Variants in ARSL observed in about 807,000 individuals in gnomAD.
The protein encoded by ARSL is arylsulfatase E (chondrodysplasia punctata 1).
A neutral mutation model predicts 31.1 loss-of-function variants in ARSL; 4 were observed. That is an observed-to-expected ratio of 0.13 (90% confidence interval 0.06 to 0.29). The LOEUF (loss-of-function observed/expected upper bound fraction) is 0.29. Among genes scored for constraint, ARSL ranks in the 10% least tolerant of loss-of-function variants. The probability of loss-of-function intolerance (pLI) is 1.00; values close to 1 mark genes in which losing one functional copy is unlikely to be tolerated. For missense variants in ARSL, 312 were observed against 497.8 expected, an observed-to-expected ratio of 0.63 and a Z score of 3.55; for synonymous variants, 198 against 209.9, an observed-to-expected ratio of 0.94 and a Z score of 0.49.
intron 10 of ARSL, among the ~76,000 whole-genome samples, chrX:2,935,930 G>A (rs902573471): frequency 9.0e-6 from 1 of 111,225 alleles, no homozygotes; most frequent in African/African-American, 3.3e-5. Context: ...AAGGCTGGGC[G>A]TGGTGGCTCA....
intron 8 of ARSL, among the ~76,000 whole-genome samples, chrX:2,938,720 T>A (rs1251566312): frequency 9.2e-6 from 1 of 109,079 alleles, no homozygotes; most frequent in Admixed American, 9.9e-5. Flanking sequence ...CCCCAAAACA[T>A]GTTCATGTCA....
intron 3 of ARSL, among the ~76,000 whole-genome samples, chrX:2,957,699 A>G: frequency 1.1e-5 from 1 of 92,414 alleles, no homozygotes; most frequent in South Asian, 5.4e-4. Context: ...ACACAGTGAG[A>G]TTCTGTCTCA....
At chrX:2,952,376 A>G (rs1032302826) in intron 5 of ARSL, among the ~76,000 whole-genome samples, 1 of 111,099 alleles carries the variant, frequency 9.0e-6, no homozygotes, top group Admixed American at 9.7e-5. Flanking sequence ...CATGCTGCCC[A>G]GGCTGGTCTC....
intron 8 of ARSL, among the ~76,000 whole-genome samples, chrX:2,941,254 T>C (rs1171292803): frequency 4.9e-4 from 16 of 32,424 alleles, no homozygotes; most frequent in African/African-American, 9.0e-4. Context: ...AATCTTTTTT[T>C]TTTTTTTTTT....
intron 2 of ARSL, 32 bp from the exon 3 acceptor site, chrX:2,958,467 C>T: frequency 8.3e-7 from 1 of 1,208,704 alleles, no homozygotes; most frequent in Non-Finnish European, 1.1e-6. Flanking sequence ...TCCTGTCCAT[C>T]TCATTTGCAG....
At chrX:2,958,153 G>A (rs2089552313) in intron 3 of ARSL, 121 bp downstream of exon 3, 1 of 979,493 alleles carries the variant, frequency 1.0e-6, no homozygotes. Flanking sequence ...AGAAAACGCA[G>A]AAGTGCAGAA....
intron 5 of ARSL, among the ~76,000 whole-genome samples, chrX:2,951,631 A>G (rs1455916683): frequency 9.5e-5 from 10 of 104,835 alleles, no homozygotes; most frequent in African/African-American, 2.1e-4. Context: ...AAAAAAAAAA[A>G]AAAAGAAAAA....
chrX:2,960,536 C>T, intron 1 of ARSL, 116 bp from the exon 2 acceptor site: 1 of 676,975 alleles, frequency 1.5e-6, no homozygotes, highest in African/African-American at 2.1e-5. Flanking sequence ...ATATCAATAG[C>T]AAAAATATCT....
intron 7 of ARSL, among the ~76,000 whole-genome samples, chrX:2,944,864 C>A (rs2089350529): frequency 9.1e-6 from 1 of 110,241 alleles, no homozygotes; most frequent in South Asian, 3.9e-4. Flanking sequence ...CTACCTAACA[C>A]ATGGTCACGA....
intron 2 of ARSL, chrX:2,959,796 C>G (rs1362347190): frequency 5.0e-6 from 5 of 1,002,781 alleles, no homozygotes; most frequent in East Asian, 7.0e-5. Flanking sequence ...TGGCTCATGC[C>G]CATTATCTGA....
intron 5 of ARSL, chrX:2,952,722 G>A (rs1161119752): frequency 8.0e-6 from 1 of 125,042 alleles, no homozygotes; most frequent in Non-Finnish European, 1.6e-5. Flanking sequence ...TGAAGGGTGG[G>A]AGAGGATCCC....
intron 8 of ARSL, among the ~76,000 whole-genome samples, chrX:2,941,551 G>A (rs141594705): frequency 0.053 from 5,950 of 111,612 alleles, 355 homozygotes; most frequent in African/African-American, 0.16. Flanking sequence ...CACTGTGCCT[G>A]GCCTCCACAA....
chrX:2,939,597 A>T (rs1442844721), intron 8 of ARSL, among the ~76,000 whole-genome samples: 1 of 111,226 alleles, frequency 9.0e-6, no homozygotes, highest in Non-Finnish European at 1.9e-5. Context: ...TTACATATGT[A>T]CTAGACTGAT....
rs1232775971 is a variant in ARSL at position 2,960,200 on chromosome X, C to T, written c.23+178G>A. On this transcript the variant is annotated intron_variant, in intron 2 of 10. Coordinates refer to ENST00000381134, the MANE Select transcript of ARSL (RefSeq NM_000047.3). ...AGGAGAATGGTGTGAACCCGGGAGG[C>T]GGAGCTTGCAGTGAGCCGAGATCGC... 3.3e-4 allele frequency among the ~76,000 whole-genome samples: 22 copies of T among 66,918 alleles called. 2 individuals are homozygous for T. The highest frequency in any genetic ancestry group is 4.1e-4 in the Non-Finnish European group (15 of 36,153). 58.1% of individuals were successfully genotyped at this position (66,918 alleles called of 115,157 possible). A position where few individuals can be genotyped will look rare whatever the true frequency, so the allele number is the denominator to read the frequency against.
chrX:2,967,703 G>C (rs2089709386), upstream of ARSL, among the ~76,000 whole-genome samples: 1 of 112,760 alleles, frequency 8.9e-6, no homozygotes, highest in Non-Finnish European at 1.9e-5. Flanking sequence ...TATAGCCTTT[G>C]ATTCTCTTCC....
At position 2,946,213 on chromosome X, in the gene ARSL, T is replaced by A; in HGVS notation, c.855-79A>T. 3.1e-6 allele frequency: 3 copies of A among 972,863 alleles called. No individual in the cohort carries two copies. In the Admixed American group the frequency reaches 7.0e-5, roughly 23 times the overall value. 80.2% of individuals were successfully genotyped at this position (972,863 alleles called of 1,213,427 possible). A position where few individuals can be genotyped will look rare whatever the true frequency, so the allele number is the denominator to read the frequency against. ...AAGTCCTGTAGATACTAAATACGGA[T>A]CTCACTTGTCACATCATTACTCAAA... is the stretch of plus-strand genomic sequence containing the variant. On this transcript the variant is annotated intron_variant, in intron 6 of 10. Transcript: ENST00000381134.
At chrX:2,944,509 C>A (rs188914832) in intron 7 of ARSL, among the ~76,000 whole-genome samples, 7 of 106,890 alleles carry the variant, frequency 6.5e-5, no homozygotes, top group Non-Finnish European at 1.2e-4. Flanking sequence ...TGAGACCCTG[C>A]CACACACACA....
intron 6 of ARSL, among the ~76,000 whole-genome samples, 158 bp from the exon 7 acceptor site, chrX:2,946,292 G>A (rs1181286782): frequency 9.7e-6 from 1 of 103,105 alleles, no homozygotes; most frequent in Non-Finnish European, 2.0e-5. Context: ...TTCTTCAACG[G>A]AAAATTAATT....
chrX:2,964,765 T>C (rs139390019), upstream of ARSL, among the ~76,000 whole-genome samples: 1,644 of 110,180 alleles, frequency 0.015, 26 homozygotes, highest in African/African-American at 0.051. Flanking sequence ...GGCCAGGAGT[T>C]TCAGAGCAGC....
Sources: gnomAD v4.1 joint callset for allele counts (sites outside exome capture counted in the v4.1 genomes callset) on GRCh38, gnomAD v4.1.1 for gene constraint, MANE v1.5 for transcripts, NCBI Gene and HGNC (gene_info 2026-07-23, HGNC 2026-07-21) for gene names.